Variants in OXCT1 observed in about 807,000 individuals in gnomAD.
The protein encoded by OXCT1 is 3-oxoacid CoA-transferase 1.
In OXCT1, 27 loss-of-function variants were observed where a neutral mutation model predicts 69.6. The ratio of observed to expected loss-of-function variants is 0.39; its 90% CI spans 0.29 to 0.54. OXCT1 has a LOEUF of 0.54. Among genes scored for constraint, OXCT1 ranks in the 20% least tolerant of loss-of-function variants. The probability of loss-of-function intolerance (pLI) is 0.72; values close to 1 mark genes in which losing one functional copy is unlikely to be tolerated. For missense variants in OXCT1, 437 were observed against 650.2 expected, an observed-to-expected ratio of 0.67 and a Z score of 3.57; for synonymous variants, 202 against 217.8, an observed-to-expected ratio of 0.93 and a Z score of 0.64.
chr5:41,744,727 C>A (rs572046135), intron 15 of OXCT1, among the ~76,000 whole-genome samples: 1 of 151,868 alleles, frequency 6.6e-6, no homozygotes. Context: ...GATAATCATG[C>A]GGTTTTTGTC....
intron 16 of OXCT1, among the ~76,000 whole-genome samples, chr5:41,735,690 C>A (rs1416782637): frequency 6.6e-6 from 1 of 152,178 alleles, no homozygotes; most frequent in Non-Finnish European, 1.5e-5. Context: ...GACAGGGGAG[C>A]CTTTATTCCC....
intron 13 of OXCT1, among the ~76,000 whole-genome samples, chr5:41,774,530 G>A (rs1192755834): frequency 1.3e-5 from 2 of 152,096 alleles, no homozygotes; most frequent in African/African-American, 4.8e-5. Context: ...AAGAATGGAA[G>A]GACAACAAAG....
At chr5:41,862,302 T>C (rs1036916620) in intron 2 of OXCT1, among the ~76,000 whole-genome samples, 4 of 152,166 alleles carry the variant, frequency 2.6e-5, no homozygotes, top group Admixed American at 6.5e-5. Flanking sequence ...ATGAGATTAA[T>C]GCAAACATTT....
intron 1 of OXCT1, among the ~76,000 whole-genome samples, chr5:41,864,578 G>A (rs1365643651): frequency 6.6e-6 from 1 of 152,134 alleles, no homozygotes; most frequent in Non-Finnish European, 1.5e-5. Context: ...ATAAAGTTGA[G>A]GATATCTCCT....
intron 15 of OXCT1, among the ~76,000 whole-genome samples, chr5:41,743,960 C>T (rs935953237): frequency 4.6e-5 from 7 of 151,992 alleles, no homozygotes; most frequent in African/African-American, 1.2e-4. Context: ...CTTGGAAATG[C>T]GAGCTCTTTT....
At chr5:41,754,517 T>C (rs1291767889) in intron 14 of OXCT1, among the ~76,000 whole-genome samples, 1 of 152,112 alleles carries the variant, frequency 6.6e-6, no homozygotes, top group East Asian at 1.9e-4. Flanking sequence ...ACATCTCATG[T>C]ACCCCATAAA....
intron 7 of OXCT1, among the ~76,000 whole-genome samples, chr5:41,836,266 C>T (rs1016280567): frequency 2.0e-5 from 3 of 152,190 alleles, no homozygotes; most frequent in Admixed American, 2.0e-4. Context: ...AGAGAAACAT[C>T]TCTCTAGCAT....
chr5:41,738,960 T>C (rs902248955), intron 16 of OXCT1, among the ~76,000 whole-genome samples: 1 of 152,202 alleles, frequency 6.6e-6, no homozygotes, highest in East Asian at 1.9e-4. Flanking sequence ...AAATATGGCA[T>C]AGAATTTAGA....
chr5:41,738,881 G>A (rs1233310189), intron 16 of OXCT1, among the ~76,000 whole-genome samples: 2 of 152,194 alleles, frequency 1.3e-5, no homozygotes, highest in Admixed American at 1.3e-4. Context: ...CAAATACAGG[G>A]CATGTCTGTT....
intron 3 of OXCT1, among the ~76,000 whole-genome samples, chr5:41,860,655 T>G (rs1330271783): frequency 1.3e-5 from 2 of 152,274 alleles, no homozygotes; most frequent in African/African-American, 2.4e-5. Context: ...ATCCTTAAAG[T>G]CTTTAATTGT....
At chr5:41,779,251 T>A (rs1203071531) in intron 13 of OXCT1, among the ~76,000 whole-genome samples, 1 of 152,150 alleles carries the variant, frequency 6.6e-6, no homozygotes, top group East Asian at 1.9e-4. Context: ...TAGCTTTGGG[T>A]TCTGTTAGGG....
rs141985317 is a variant in OXCT1, at chr5:41,785,919, G to C, written c.1248+8084C>G. Among the ~76,000 whole-genome samples, 161 of 152,332 alleles carry C rather than the reference G, an allele frequency of 1.1e-3. 1 individual carries two copies. The East Asian group carries it at 0.027, about 26-fold the overall frequency. On this transcript the variant is annotated intron_variant, in intron 13 of 16. Coordinates refer to ENST00000196371, the MANE Select transcript of OXCT1 (RefSeq NM_000436.4). ...CAGAGCCTGAAAGATGGGGAGTGCA[G>C]ATAGGGAGTGCTGCCTGACTCTTAC...
chr5:41,767,299 T>C (rs978842585), intron 13 of OXCT1, among the ~76,000 whole-genome samples: 2 of 152,094 alleles, frequency 1.3e-5, no homozygotes, highest in African/African-American at 4.8e-5. Context: ...CTAGGACAGG[T>C]GAATTGATTA....
intron 14 of OXCT1, among the ~76,000 whole-genome samples, chr5:41,760,055 T>G (rs562369638): frequency 9.5e-4 from 145 of 152,254 alleles, no homozygotes; most frequent in African/African-American, 3.5e-3. Flanking sequence ...CTCTCTTCCC[T>G]ACCTCTTTTC....
At chr5:41,848,403 G>T (rs1033514781) in intron 5 of OXCT1, among the ~76,000 whole-genome samples, 1 of 148,258 alleles carries the variant, frequency 6.7e-6, no homozygotes, top group African/African-American at 2.5e-5. Context: ...AGCTACCAAT[G>T]ACTTTCTTCA....
intron 11 of OXCT1, 68 bp from the exon 12 acceptor site, chr5:41,794,817 G>T: frequency 6.6e-7 from 1 of 1,517,844 alleles, no homozygotes. Flanking sequence ...GGTGAACAGA[G>T]GTCCACATCT....
intron 1 of OXCT1, among the ~76,000 whole-genome samples, chr5:41,867,385 G>C (rs934151357): frequency 2.6e-5 from 4 of 152,200 alleles, no homozygotes; most frequent in Admixed American, 6.5e-5. Flanking sequence ...AAAGATAGTA[G>C]TCATTAAATA....
intron 4 of OXCT1, among the ~76,000 whole-genome samples, chr5:41,851,919 C>T (rs1473053257): frequency 6.6e-6 from 1 of 152,072 alleles, no homozygotes; most frequent in East Asian, 1.9e-4. Flanking sequence ...TCCTAGTCAC[C>T]AGTGTGACTG....
chr5:41,757,355 T>TCC (rs1229639744), intron 14 of OXCT1, among the ~76,000 whole-genome samples: 1 of 151,966 alleles, frequency 6.6e-6, no homozygotes, highest in Non-Finnish European at 1.5e-5. Context: ...ACTCCATACA[T>TCC]CCCATGGGAA....
Sources: allele counts gnomAD v4.1 joint callset (sites outside exome capture counted in the v4.1 genomes callset), GRCh38; gene constraint gnomAD v4.1.1; transcripts MANE v1.5; gene names NCBI Gene and HGNC (gene_info 2026-07-23, HGNC 2026-07-21).